The following SYN3 variants were observed in gnomAD, a reference collection of about 807,000 sequenced individuals.
SYN3 encodes synapsin III.
SYN3 carries 35 observed loss-of-function variants against 65.8 expected under a neutral mutation model. The ratio of observed to expected loss-of-function variants is 0.53; its 90% CI spans 0.41 to 0.70. SYN3 has a LOEUF of 0.70. Ranked by LOEUF, SYN3 falls within the 30% of genes least tolerant of loss-of-function variation. The pLI, the probability that SYN3 is intolerant of heterozygous loss-of-function variation, is 0.00. For synonymous variants in SYN3, 270 were observed against 292.9 expected, an observed-to-expected ratio of 0.92 and a Z score of 0.80; for missense variants, 680 against 749.0, an observed-to-expected ratio of 0.91 and a Z score of 1.08.
intron 4 of SYN3, among the ~76,000 whole-genome samples, chr22:32,879,757 C>G (rs1168175034): frequency 6.6e-6 from 1 of 152,158 alleles, no homozygotes; most frequent in Non-Finnish European, 1.5e-5. Context: ...CGGTGTTAAG[C>G]ACATAGTAGG....
At chr22:32,767,161 C>T (rs1004809832) in intron 6 of SYN3, among the ~76,000 whole-genome samples, 1 of 152,194 alleles carries the variant, frequency 6.6e-6, no homozygotes, top group African/African-American at 2.4e-5. Context: ...TGCACACCTG[C>T]CTACTCACAA....
At chr22:32,626,775 T>A (rs1249725259) in intron 6 of SYN3, among the ~76,000 whole-genome samples, 1 of 152,004 alleles carries the variant, frequency 6.6e-6, no homozygotes, top group Non-Finnish European at 1.5e-5. Context: ...AGTGTGGAGG[T>A]GCGGGCACCA....
intron 8 of SYN3, among the ~76,000 whole-genome samples, chr22:32,539,791 G>GGAA (rs112876165): frequency 6.8e-6 from 1 of 147,382 alleles, no homozygotes; most frequent in African/African-American, 2.5e-5. Flanking sequence ...TAATCCTCAA[G>GGAA]AAAAAAAAAA....
At position 33,015,509 on chromosome 22, in the gene SYN3, C is replaced by A. The variant is rs73162070; in HGVS notation, c.-162-8685G>T. On this transcript the variant is annotated intron_variant, in intron 1 of 13. Transcript: ENST00000358763. ...AGCTGACAACCAGTGCCAGCTGTTT[C>A]TGTACACCAGCTATTGTAAAATAAT... 1,304 of 186,244 alleles carry A rather than the reference C, an allele frequency of 7.0e-3. 18 individuals are homozygous for A. Among genetic ancestry groups the A allele is most frequent in the South Asian group, 0.032 (280 of 8,698 alleles). The allele number at this position is 186,244 out of a possible 1,614,324, so 11.5% of individuals were successfully genotyped here. A position where few individuals can be genotyped will look rare whatever the true frequency, so the allele number is the denominator to read the frequency against.
chr22:32,592,454 G>C (rs2059140939), intron 7 of SYN3, among the ~76,000 whole-genome samples: 1 of 152,180 alleles, frequency 6.6e-6, no homozygotes, highest in African/African-American at 2.4e-5. Flanking sequence ...ACCATATTTT[G>C]ATTTCTGTTT....
chr22:32,713,962 GT>G (rs1203985417), intron 6 of SYN3, among the ~76,000 whole-genome samples: 6 of 152,186 alleles, frequency 3.9e-5, no homozygotes, highest in Non-Finnish European at 8.8e-5. Context: ...CAGTAACCCA[GT>G]TATGTGTGAC....
chr22:32,571,163 G>A (rs892457643), intron 7 of SYN3, among the ~76,000 whole-genome samples: 1 of 152,148 alleles, frequency 6.6e-6, no homozygotes, highest in African/African-American at 2.4e-5. Flanking sequence ...GGCCTTTCAG[G>A]CTCTCCTAGA....
intron 6 of SYN3, among the ~76,000 whole-genome samples, chr22:32,753,052 G>T (rs919716376): frequency 6.6e-6 from 1 of 152,116 alleles, no homozygotes; most frequent in Admixed American, 6.5e-5. Context: ...GAGCCAGCTG[G>T]AGAACCTCAG....
intron 6 of SYN3, among the ~76,000 whole-genome samples, chr22:32,686,119 C>T (rs2060585582): frequency 6.6e-6 from 1 of 151,920 alleles, no homozygotes; most frequent in Non-Finnish European, 1.5e-5. Context: ...TTTTTTATTT[C>T]TTTTTAATCT....
intron 4 of SYN3, among the ~76,000 whole-genome samples, chr22:32,871,581 C>T (rs2146360793): frequency 6.6e-6 from 1 of 152,076 alleles, no homozygotes; most frequent in Non-Finnish European, 1.5e-5. Context: ...GGTTGCCTGC[C>T]ACTCCATCCT....
chr22:32,580,437 TTTA>T (rs1303648953), intron 7 of SYN3, among the ~76,000 whole-genome samples: 3 of 152,132 alleles, frequency 2.0e-5, no homozygotes, highest in Admixed American at 1.3e-4. Context: ...ATTGTCTGAT[TTTA>T]TTATTATTTA....
At chr22:32,953,738 G>A (rs895664247) in intron 3 of SYN3, among the ~76,000 whole-genome samples, 2 of 152,086 alleles carry the variant, frequency 1.3e-5, no homozygotes, top group Non-Finnish European at 2.9e-5. Flanking sequence ...GAGATGGGAA[G>A]ATGTTGGCAT....
chr22:33,003,406 A>C (rs919799150), intron 2 of SYN3, among the ~76,000 whole-genome samples: 2 of 152,186 alleles, frequency 1.3e-5, no homozygotes, highest in African/African-American at 4.8e-5. Flanking sequence ...CTTCCCAGAG[A>C]CTTGTTGAAT....
rs546317729 is a variant in SYN3, at chr22:32,990,843, T to A, written c.312-10141A>T. ...TGGGCGGATCACTGGAGGTGGGGAG[T>A]TCGAAACCAACCTGGCCAACATAGC... On this transcript the variant is annotated intron_variant, in intron 2 of 13. Transcript: ENST00000358763. Among the ~76,000 whole-genome samples, 200 of 150,522 alleles carry A rather than the reference T, an allele frequency of 1.3e-3. 1 individual carries two copies. Among genetic ancestry groups the A allele is most frequent in the Non-Finnish European group, 2.4e-3 (162 of 67,682 alleles).
At chr22:32,585,159 G>A (rs779504479) in intron 7 of SYN3, among the ~76,000 whole-genome samples, 3 of 152,302 alleles carry the variant, frequency 2.0e-5, no homozygotes, top group Non-Finnish European at 2.9e-5. Context: ...GGCACTCATC[G>A]TGGTGTACGG....
chr22:32,578,170 T>C (rs1431541427), intron 7 of SYN3, among the ~76,000 whole-genome samples: 5 of 150,296 alleles, frequency 3.3e-5, no homozygotes, highest in Non-Finnish European at 4.4e-5. Context: ...TCTTTCCTTT[T>C]CTTTTCTTTC....
chr22:32,991,438 A>G (rs1427060235), intron 2 of SYN3, among the ~76,000 whole-genome samples: 1 of 152,066 alleles, frequency 6.6e-6, no homozygotes, highest in Non-Finnish European at 1.5e-5. Context: ...ATAACTCGAC[A>G]ACACCAGGCC....
At chr22:32,607,321 C>T (rs762968) in intron 6 of SYN3, among the ~76,000 whole-genome samples, 47,917 of 151,988 alleles carry the variant, frequency 0.32, 7,758 homozygotes, top group South Asian at 0.41. Flanking sequence ...GCTGCAGAAC[C>T]TGCAACTCAA....
At chr22:32,980,815 C>T in intron 2 of SYN3, 113 bp from the exon 3 acceptor site, 5 of 850,776 alleles carry the variant, frequency 5.9e-6, no homozygotes, top group Non-Finnish European at 9.8e-6. Flanking sequence ...CTCAGCCATC[C>T]TACTGTCTCC....
Sources: allele counts gnomAD v4.1 joint callset (sites outside exome capture counted in the v4.1 genomes callset), GRCh38; gene constraint gnomAD v4.1.1; transcripts MANE v1.5; gene names NCBI Gene and HGNC (gene_info 2026-07-23, HGNC 2026-07-21).